The following NPAT variants were observed in gnomAD, a reference collection of about 807,000 sequenced individuals.
NPAT encodes the protein nuclear protein, coactivator of histone transcription.
A neutral mutation model predicts 130.7 loss-of-function variants in NPAT; 52 were observed. The ratio of observed to expected loss-of-function variants is 0.40; its 90% CI spans 0.32 to 0.50. The LOEUF is 0.50. Among genes scored for constraint, NPAT ranks in the 20% least tolerant of loss-of-function variants. NPAT has a pLI of 0.68. For missense variants in NPAT, 1,687 were observed against 1,662.6 expected (o/e 1.01, Z -0.26); for synonymous variants, 580 against 584.8 (o/e 0.99, Z 0.12).
intron 2 of NPAT, among the ~76,000 whole-genome samples, chr11:108,195,620 A>C (rs1188147993): frequency 7.1e-6 from 1 of 139,970 alleles, no homozygotes; most frequent in African/African-American, 2.5e-5. Flanking sequence ...TAAGATATAA[A>C]TATTTTCACC....
In NPAT at chr11:108,186,488, T is replaced by C. The variant is rs774578295; in HGVS notation, c.720A>G (p.Val240=). 6.2e-7 allele frequency: 1 copy of C among 1,613,632 alleles called. No individual in the cohort carries two copies. The highest frequency in any genetic ancestry group is 1.1e-5 in the South Asian group (1 of 91,064). The change falls in exon 8 of 18, where the codon GTA becomes GTG. Residue 240 remains valine (V), a synonymous_variant. Coordinates refer to ENST00000278612, the MANE Select transcript of NPAT (RefSeq NM_002519.3). ...RNFQDPNAFA[V]EKQMVIENAR... ...GTTTGGCAGAGTCACTTACTTTTTC[T>C]ACTGCAAAAGCGTTTGGATCTTGGA...
At chr11:108,199,059 GAATGAGCTGTAAC>G (rs1292521508) in intron 1 of NPAT, among the ~76,000 whole-genome samples, 1 of 152,238 alleles carries the variant, frequency 6.6e-6, no homozygotes, top group Non-Finnish European at 1.5e-5. Flanking sequence ...TAGAGGGACG[GAATGAGCTGTAAC>G]ACAAACGAGC....
chr11:108,173,236 T>G lies in NPAT; in HGVS notation c.1748A>C (p.Asn583Thr). 1 of 1,612,970 alleles carries G rather than the reference T, an allele frequency of 6.2e-7. No individual in the cohort carries two copies. Among genetic ancestry groups the G allele is most frequent in the South Asian group, 1.1e-5 (1 of 91,038 alleles). ...CTGTGACATAACTGGTTCTAACACA[T>G]TAATTTCTATTTTACTCTTGTGAAC... ...SEVHKSKIEI[N>T]VLEPVMSQLS... The change falls in exon 13 of 18, where the codon AAT (asparagine) becomes ACT (threonine). Residue 583 changes from asparagine to threonine, a missense_variant. Transcript: ENST00000278612.
intron 13 of NPAT, chr11:108,171,157 G>A (rs1432088380): frequency 1.6e-5 from 2 of 121,738 alleles, no homozygotes; most frequent in Non-Finnish European, 3.2e-5. Flanking sequence ...TGGAGACAGA[G>A]TCTTACTCTG....
intron 10 of NPAT, among the ~76,000 whole-genome samples, chr11:108,181,014 G>C (rs1195601944): frequency 1.3e-5 from 2 of 152,194 alleles, no homozygotes. Context: ...AAGTAGAATG[G>C]TGGTTGGCAG....
intron 15 of NPAT, among the ~76,000 whole-genome samples, chr11:108,162,395 G>C (rs895305504): frequency 6.6e-6 from 1 of 152,162 alleles, no homozygotes; most frequent in African/African-American, 2.4e-5. Flanking sequence ...ATCCAGATAT[G>C]GAATAAATGA....
chr11:108,161,869 C>T lies in NPAT; in HGVS notation c.3217G>A (p.Val1073Met), dbSNP rs1395114233. The change falls in exon 17 of 18, where the codon GTG becomes ATG. Residue 1073 changes from valine to methionine, a missense_variant. This residue lies in a region of NPAT where 1,379 missense variants were observed against 1,346.6 expected (regional missense o/e 1.02). Transcript: ENST00000278612. ...TGGTTTGGCCCCTGCGTATTTGCCA[C>T]AGGAGCAGTAGTGCTGTCGAAACAG... ...VLCFDSTTAPVANTQGPNHKM... is the reference protein window; with the variant it reads ...VLCFDSTTAPMANTQGPNHKM... The T allele has an allele frequency of 6.2e-7, 1 of 1,614,116 alleles. No homozygotes were observed. The highest frequency in any genetic ancestry group is 1.7e-5 in the Admixed American group (1 of 60,024).
intron 2 of NPAT, among the ~76,000 whole-genome samples, chr11:108,194,892 C>T (rs931908118): frequency 2.4e-4 from 36 of 151,026 alleles, no homozygotes; most frequent in African/African-American, 7.8e-4. Flanking sequence ...GGCACAATCT[C>T]GGCTCACCAA....
At chr11:108,160,585 T>A (rs2077837213) in intron 17 of NPAT, among the ~76,000 whole-genome samples, 1 of 152,190 alleles carries the variant, frequency 6.6e-6, no homozygotes, top group Non-Finnish European at 1.5e-5. Flanking sequence ...CCCGGAAAGA[T>A]GTTTATAAAC....
At chr11:108,220,387 C>T (rs1392979148) in intron 1 of NPAT, among the ~76,000 whole-genome samples, 1 of 152,010 alleles carries the variant, frequency 6.6e-6, no homozygotes, top group Admixed American at 6.5e-5. Context: ...TAATGGGTGT[C>T]TAATGTCTAG....
chr11:108,192,619 T>A (rs2078181064), intron 3 of NPAT, among the ~76,000 whole-genome samples: 1 of 152,216 alleles, frequency 6.6e-6, no homozygotes, highest in South Asian at 2.1e-4. Context: ...TTCTCATATT[T>A]AAAAATGGCT....
intron 1 of NPAT, among the ~76,000 whole-genome samples, chr11:108,213,823 T>TA (rs1391133392): frequency 3.3e-5 from 5 of 152,094 alleles, no homozygotes; most frequent in African/African-American, 1.2e-4. Flanking sequence ...TGGAACAAAA[T>TA]AAAAAATCCA....
chr11:108,178,428 G>A lies in NPAT; in HGVS notation c.907-1338C>T, dbSNP rs545712488. ...TTGCACCTTATTATTATTTTTGTGT[G>A]TGTGTGTGTGTTCATGAATTTCAAG... On this transcript the variant is annotated intron_variant, in intron 10 of 17. Transcript: ENST00000278612. 5.9e-5 allele frequency among the ~76,000 whole-genome samples: 9 copies of A among 152,236 alleles called. No homozygotes were observed. In the East Asian group the frequency reaches 9.6e-4, roughly 16 times the overall value.
intron 1 of NPAT, among the ~76,000 whole-genome samples, chr11:108,222,032 G>A (rs1456015719): frequency 6.6e-6 from 1 of 152,156 alleles, no homozygotes; most frequent in Admixed American, 6.5e-5. Flanking sequence ...CAAATTCGTA[G>A]TTATAAGGGC....
chr11:108,211,885 G>A (rs1355925236), intron 1 of NPAT, among the ~76,000 whole-genome samples: 1 of 152,144 alleles, frequency 6.6e-6, no homozygotes, highest in Non-Finnish European at 1.5e-5. Context: ...GGGAGGCTGA[G>A]GCTGCAGTGG....
At position 108,169,954 on chromosome 11, in the gene NPAT, T is replaced by TTCTC; in HGVS notation, c.2874_2875insGAGA (p.Asn959GlufsTer3). 1 of 1,613,896 alleles carries TTCTC rather than the reference T, an allele frequency of 6.2e-7. No homozygotes were observed. The highest frequency in any genetic ancestry group is 8.5e-7 in the Non-Finnish European group (1 of 1,179,804). The stretch of plus-strand genomic sequence containing the variant: ...TGCCGAGGAGGAGTAGAAAAGTTAT[T>TTCTC]TCCATTCTGTCCAACCACAGATACT... On this transcript the variant is annotated frameshift_variant, in exon 14 of 18. Coordinates refer to ENST00000278612, the MANE Select transcript of NPAT (RefSeq NM_002519.3). LOFTEE classifies it high-confidence loss of function.
intron 13 of NPAT, 140 bp downstream of exon 13, chr11:108,172,059 A>C: frequency 1.4e-6 from 1 of 733,936 alleles, no homozygotes; most frequent in Non-Finnish European, 2.4e-6. Flanking sequence ...AGCATAAAGA[A>C]GCAGCGTAAT....
intron 4 of NPAT, 72 bp from the exon 5 acceptor site, chr11:108,190,572 G>T: frequency 7.4e-7 from 1 of 1,354,940 alleles, no homozygotes; most frequent in Non-Finnish European, 1.1e-6. Flanking sequence ...TTTAGTTACA[G>T]TCAGACCTCA....
intron 1 of NPAT, among the ~76,000 whole-genome samples, chr11:108,214,575 C>G (rs933136656): frequency 7.9e-5 from 12 of 150,980 alleles, no homozygotes; most frequent in African/African-American, 2.9e-4. Flanking sequence ...TGAAAAACAA[C>G]GAAGTTTACA....
Sources: allele counts gnomAD v4.1 joint callset (sites outside exome capture counted in the v4.1 genomes callset), GRCh38; gene constraint gnomAD v4.1.1; regional missense constraint gnomAD v4.1.1; transcripts MANE v1.5; gene names NCBI Gene and HGNC (gene_info 2026-07-23, HGNC 2026-07-21).